The following NKAIN3 variants were observed in gnomAD, a reference collection of about 807,000 sequenced individuals.
NKAIN3 encodes sodium/potassium-transporting ATPase subunit beta-1-interacting protein 3.
Under a neutral mutation model 30.2 loss-of-function variants are expected in NKAIN3, and 25 were observed. The ratio of observed to expected loss-of-function variants is 0.83; its 90% CI spans 0.60 to 1.16. The LOEUF is 1.16. Among genes scored for constraint, NKAIN3 ranks in the 50% most tolerant of loss-of-function variants. NKAIN3 has a pLI of 0.00. For synonymous variants in NKAIN3, 91 were observed against 89.6 expected, an observed-to-expected ratio of 1.02 and a Z score of -0.09; for missense variants, 225 against 254.1, an observed-to-expected ratio of 0.89 and a Z score of 0.78.
intron 4 of NKAIN3, among the ~76,000 whole-genome samples, chr8:62,786,528 GA>G (rs1000241098): frequency 4.6e-5 from 7 of 151,058 alleles, no homozygotes; most frequent in African/African-American, 1.2e-4. Flanking sequence ...TAGCAAAGTT[GA>G]AAAAAAACAC....
At chr8:62,949,451 T>A (rs566168344) in intron 5 of NKAIN3, among the ~76,000 whole-genome samples, 1 of 152,348 alleles carries the variant, frequency 6.6e-6, no homozygotes, top group Non-Finnish European at 1.5e-5. Flanking sequence ...TCTGTGAGAA[T>A]CCTTGTCAGG....
intron 3 of NKAIN3, among the ~76,000 whole-genome samples, chr8:62,600,362 A>G (rs1341714221): frequency 1.3e-5 from 2 of 152,194 alleles, no homozygotes; most frequent in South Asian, 2.1e-4. Context: ...TCTTATAGGC[A>G]GGGGACAGGG....
At chr8:62,402,998 C>A (rs139177216) in intron 1 of NKAIN3, among the ~76,000 whole-genome samples, 1 of 152,076 alleles carries the variant, frequency 6.6e-6, no homozygotes, top group Non-Finnish European at 1.5e-5. Context: ...TAGAGACTTG[C>A]GGAATGTTTG....
chr8:62,251,572 A>C (rs887318057), intron 1 of NKAIN3, among the ~76,000 whole-genome samples: 3 of 152,230 alleles, frequency 2.0e-5, no homozygotes, highest in Non-Finnish European at 4.4e-5. Context: ...ATTACATGAA[A>C]AGATTCTTGG....
At chr8:62,690,882 G>C (rs1813945444) in intron 3 of NKAIN3, among the ~76,000 whole-genome samples, 1 of 152,174 alleles carries the variant, frequency 6.6e-6, no homozygotes. Context: ...AGCACAGGTG[G>C]AAGGAGACAC....
intron 4 of NKAIN3, among the ~76,000 whole-genome samples, chr8:62,877,371 G>C (rs1252863742): frequency 6.6e-6 from 1 of 152,250 alleles, no homozygotes; most frequent in Non-Finnish European, 1.5e-5. Context: ...ACTTAAGGTA[G>C]AAATGCAAAT....
At chr8:62,870,979 G>C (rs896506823) in intron 4 of NKAIN3, among the ~76,000 whole-genome samples, 3 of 151,920 alleles carry the variant, frequency 2.0e-5, no homozygotes, top group African/African-American at 4.8e-5. Flanking sequence ...GGGAAAACCA[G>C]ACTCAAAGAC....
At chr8:62,789,603 G>T (rs1179263250) in intron 4 of NKAIN3, among the ~76,000 whole-genome samples, 1 of 151,628 alleles carries the variant, frequency 6.6e-6, no homozygotes, top group Non-Finnish European at 1.5e-5. Flanking sequence ...GAATCAAATA[G>T]ATGCAATAAA....
intron 1 of NKAIN3, among the ~76,000 whole-genome samples, chr8:62,436,915 A>C (rs1030773115): frequency 6.6e-6 from 1 of 152,172 alleles, no homozygotes; most frequent in African/African-American, 2.4e-5. Context: ...CACACCAAAA[A>C]GAGGGTGGCA....
At chr8:62,430,250 A>G (rs1191231258) in intron 1 of NKAIN3, among the ~76,000 whole-genome samples, 2 of 151,694 alleles carry the variant, frequency 1.3e-5, no homozygotes, top group South Asian at 2.1e-4. Context: ...ACATTCATCT[A>G]TTGATGGACA....
Position 62,399,546 on chromosome 8 carries a change from C to T in NKAIN3, c.54+150419C>T, listed in dbSNP as rs143101267. Among the ~76,000 whole-genome samples, 34 of 152,212 alleles carry T rather than the reference C, an allele frequency of 2.2e-4. No homozygotes were observed. The East Asian group carries it at 6.2e-3, about 28-fold the overall frequency. On this transcript the variant is annotated intron_variant, in intron 1 of 6. Transcript: ENST00000623646. ...AGAGAGAGAGAAAGAAATACATATT[C>T]AGTGCTGAGATTTGCTTAAACAAGC...
intron 1 of NKAIN3, among the ~76,000 whole-genome samples, chr8:62,544,713 A>G (rs1301106747): frequency 8.5e-6 from 1 of 117,422 alleles, no homozygotes; most frequent in Non-Finnish European, 2.0e-5. Flanking sequence ...CAATATTTGT[A>G]TAAAGTACAA....
At chr8:62,492,576 A>G (rs1054397670) in intron 1 of NKAIN3, among the ~76,000 whole-genome samples, 4 of 152,130 alleles carry the variant, frequency 2.6e-5, no homozygotes, top group Non-Finnish European at 5.9e-5. Flanking sequence ...CTGAACACAT[A>G]TCTTTCAACT....
chr8:62,296,001 A>G (rs1813816029), intron 1 of NKAIN3, among the ~76,000 whole-genome samples: 3 of 152,192 alleles, frequency 2.0e-5, no homozygotes, highest in Admixed American at 6.5e-5. Flanking sequence ...GCTAGTCCAT[A>G]TTTTTGTTTG....
At chr8:62,776,140 C>G (rs1254797274) in intron 4 of NKAIN3, among the ~76,000 whole-genome samples, 3 of 151,992 alleles carry the variant, frequency 2.0e-5, no homozygotes, top group Non-Finnish European at 4.4e-5. Flanking sequence ...ACTTTGCTTT[C>G]AGTCTATGTG....
intron 3 of NKAIN3, among the ~76,000 whole-genome samples, chr8:62,721,633 T>A (rs1221037381): frequency 2.0e-5 from 3 of 152,200 alleles, no homozygotes. Flanking sequence ...TGACTGTAAA[T>A]TGCCTTTGTA....
rs1823741998 is a variant in NKAIN3, at chr8:62,967,685, T to C, written c.*2278T>C. On this transcript the variant is annotated 3_prime_UTR_variant, in exon 7 of 7. Transcript: ENST00000623646. ...ATGCCAATAATTATTGTTAGTATTG[T>C]TACGATTATTGAAAAAGCTGATAAA... Among the ~76,000 whole-genome samples the C allele has an allele frequency of 6.6e-6, 1 of 152,192 alleles. No homozygotes were observed.
chr8:62,731,487 C>G (rs1258883587), intron 3 of NKAIN3, among the ~76,000 whole-genome samples: 2 of 151,966 alleles, frequency 1.3e-5, no homozygotes, highest in Non-Finnish European at 2.9e-5. Flanking sequence ...GATATAAATA[C>G]ACTAGTAAAT....
chr8:62,556,238 T>C (rs1229273712), intron 1 of NKAIN3, among the ~76,000 whole-genome samples: 1 of 151,940 alleles, frequency 6.6e-6, no homozygotes, highest in Non-Finnish European at 1.5e-5. Flanking sequence ...CTAAGGTGAT[T>C]ATATTGTCTT....
Sources: gnomAD v4.1 joint callset for allele counts (sites outside exome capture counted in the v4.1 genomes callset) on GRCh38, gnomAD v4.1.1 for gene constraint, MANE v1.5 for transcripts, NCBI Gene and HGNC (gene_info 2026-07-23, HGNC 2026-07-21) for gene names.